Variants in SCARB1 observed in about 807,000 individuals in gnomAD.
The protein encoded by SCARB1 is scavenger receptor class B member 1.
SCARB1 carries 30 observed loss-of-function variants against 57.2 expected under a neutral mutation model. That is an observed-to-expected ratio of 0.52 (90% CI 0.39 to 0.71). The LOEUF is 0.71. Among genes scored for constraint, SCARB1 ranks in the 30% least tolerant of loss-of-function variants. SCARB1 has a pLI of 0.00. For synonymous variants in SCARB1, 249 were observed against 268.3 expected, an observed-to-expected ratio of 0.93 and a Z score of 0.70; for missense variants, 543 against 671.2, an observed-to-expected ratio of 0.81 and a Z score of 2.11.
chr12:124,818,493 G>A (rs773984866), intron 1 of SCARB1, among the ~76,000 whole-genome samples: 31 of 152,118 alleles, frequency 2.0e-4, no homozygotes, highest in Non-Finnish European at 3.7e-4. Flanking sequence ...TTGAGATGGA[G>A]TCTCACTCTG....
chr12:124,803,067 G>A (rs528189666), intron 7 of SCARB1, among the ~76,000 whole-genome samples: 15 of 152,322 alleles, frequency 9.8e-5, no homozygotes, highest in Admixed American at 6.5e-4. Context: ...ACAACGTCAC[G>A]GACGAATTGC....
intron 1 of SCARB1, among the ~76,000 whole-genome samples, chr12:124,830,979 A>ATT (rs34543026): frequency 0.54 from 74,261 of 137,412 alleles, 20,038 homozygotes; most frequent in African/African-American, 0.58. Context: ...TGCCCAGCTG[A>ATT]TTTTTTTTTT....
rs374020615 is a variant in SCARB1 at position 124,795,273 on chromosome 12, G to A, written c.1129-5C>T. 9.9e-6 allele frequency: 16 copies of A among 1,612,956 alleles called. No homozygotes were observed. Among genetic ancestry groups the A allele is most frequent in the East Asian group, 2.2e-5 (1 of 44,866 alleles). On this transcript the variant is annotated splice_region_variant and splice_polypyrimidine_tract_variant and intron_variant, in intron 8 of 12. Transcript: ENST00000261693. ...GTTCATGGGGATTCCCGTGACCTGC[G>A]GCAACAAACACAGTGAGGAGACTGG...
At chr12:124,846,526 G>A (rs1015882335) in intron 1 of SCARB1, among the ~76,000 whole-genome samples, 6 of 152,062 alleles carry the variant, frequency 3.9e-5, no homozygotes, top group African/African-American at 9.6e-5. Flanking sequence ...CGAGGCAGGC[G>A]GATCATGAGG....
rs11057822 is a variant in SCARB1 at position 124,813,217 on chromosome 12, C to T, written c.630+985G>A. Among the ~76,000 whole-genome samples the T allele has an allele frequency of 0.029, 4,466 of 152,270 alleles. 547 individuals carry two copies. In the East Asian group the frequency reaches 0.4, roughly 13 times the overall value. ...GGAAGTGGACATTGGTTTTCTTCCT[C>T]CCTAAGAGGGAGGAAACTGGAACAC... is the stretch of plus-strand genomic sequence containing the variant. On this transcript the variant is annotated intron_variant, in intron 4 of 12. Coordinates refer to ENST00000261693, the MANE Select transcript of SCARB1 (RefSeq NM_005505.5).
At chr12:124,825,792 A>T (rs554837566) in intron 1 of SCARB1, among the ~76,000 whole-genome samples, 1 of 152,346 alleles carries the variant, frequency 6.6e-6, no homozygotes, top group East Asian at 1.9e-4. Flanking sequence ...GAATCTTGAC[A>T]GAAGGACAAA....
chr12:124,858,512 T>C (rs1952731569), intron 1 of SCARB1, among the ~76,000 whole-genome samples: 1 of 151,996 alleles, frequency 6.6e-6, no homozygotes, highest in Non-Finnish European at 1.5e-5. Context: ...GCCTCATCGG[T>C]CTGTGTGGCG....
At position 124,817,306 on chromosome 12, in the gene SCARB1, C is replaced by T. The variant is rs1427429032; in HGVS notation, c.284+244G>A. 1.4e-5 allele frequency among the ~76,000 whole-genome samples: 2 copies of T among 145,466 alleles called. No homozygotes were observed. The highest frequency in any genetic ancestry group is 5.1e-5 in the African/African-American group (2 of 39,164). On this transcript the variant is annotated intron_variant, in intron 2 of 12. Transcript: ENST00000261693. This position sits in a 1 kb window ranked among gnomAD's most constrained non-coding sequence, Gnocchi z 4.8. ...AGGCTGAGGCGGAGGATCGCTTGAG[C>T]CCAGGACTTCAAAACCAGCCTGGGC...
chr12:124,811,782 C>T, intron 5 of SCARB1, 88 bp downstream of exon 5: 2 of 852,016 alleles, frequency 2.3e-6, no homozygotes, highest in Non-Finnish European at 3.9e-6. Context: ...AGAAGGAGCT[C>T]TCTGGTCCCT....
chr12:124,834,914 C>CA lies in SCARB1; in HGVS notation c.127-17208dup, dbSNP rs1273432887. On this transcript the variant is annotated intron_variant, in intron 1 of 12. Transcript: ENST00000261693. ...CAGAGCAAGACCCTGTCCACCCCCC[C>CA]AAAAAAAAGGCGGTCTCCAAACCAG... Among the ~76,000 whole-genome samples, 206 of 151,880 alleles carry CA rather than the reference C, an allele frequency of 1.4e-3. 1 individual carries two copies. Among genetic ancestry groups the CA allele is most frequent in the African/African-American group, 4.7e-3 (193 of 41,430 alleles).
At chr12:124,792,519 C>T (rs1486761143) in intron 9 of SCARB1, among the ~76,000 whole-genome samples, 1 of 151,874 alleles carries the variant, frequency 6.6e-6, no homozygotes, top group African/African-American at 2.4e-5. Context: ...GTCACAAGTT[C>T]GAGAACAGCC....
chr12:124,847,830 A>T (rs1253407535), intron 1 of SCARB1, among the ~76,000 whole-genome samples: 1 of 152,184 alleles, frequency 6.6e-6, no homozygotes, highest in Admixed American at 6.5e-5. Flanking sequence ...CTCATCAGAA[A>T]CACTCTGCTC....
chr12:124,788,449 G>A (rs944640609), intron 9 of SCARB1, among the ~76,000 whole-genome samples: 2 of 152,342 alleles, frequency 1.3e-5, no homozygotes, highest in South Asian at 4.1e-4. Flanking sequence ...CGGGAGGGCT[G>A]CTTAAAAAGA....
At chr12:124,782,123 G>A (rs1949340310) in intron 12 of SCARB1, among the ~76,000 whole-genome samples, 1 of 152,112 alleles carries the variant, frequency 6.6e-6, no homozygotes, top group Non-Finnish European at 1.5e-5. Flanking sequence ...TGGCCAGGCT[G>A]GTCTTGAACT....
intron 5 of SCARB1, among the ~76,000 whole-genome samples, chr12:124,811,200 G>A (rs1950514286): frequency 6.6e-6 from 1 of 152,180 alleles, no homozygotes; most frequent in Admixed American, 6.5e-5. Context: ...GTTTCCTCTG[G>A]GGCAAGGGGT....
At chr12:124,852,386 G>C (rs1184694939) in intron 1 of SCARB1, among the ~76,000 whole-genome samples, 2 of 152,228 alleles carry the variant, frequency 1.3e-5, no homozygotes, top group African/African-American at 4.8e-5. Context: ...GTGTTCCCCA[G>C]GGCGTATGAC....
chr12:124,854,917 A>C (rs1001238475), intron 1 of SCARB1, among the ~76,000 whole-genome samples: 2 of 152,046 alleles, frequency 1.3e-5, no homozygotes, highest in African/African-American at 4.8e-5. Context: ...CAGGGATACC[A>C]ATTTGGGAGT....
intron 6 of SCARB1, among the ~76,000 whole-genome samples, chr12:124,809,156 T>C (rs1283686099): frequency 6.6e-6 from 1 of 151,586 alleles, no homozygotes; most frequent in Non-Finnish European, 1.5e-5. Flanking sequence ...TCCAACCTAC[T>C]CTCCGATGGT....
At chr12:124,790,069 C>T (rs1193176722) in intron 9 of SCARB1, among the ~76,000 whole-genome samples, 2 of 148,406 alleles carry the variant, frequency 1.3e-5, no homozygotes, top group African/African-American at 5.0e-5. Context: ...GACAGTGCTA[C>T]ACTGCTGGCT....
Sources: gnomAD v4.1 joint callset for allele counts (sites outside exome capture counted in the v4.1 genomes callset) on GRCh38, gnomAD v4.1.1 for gene constraint, Gnocchi (gnomAD v3.1) non-coding constraint, MANE v1.5 for transcripts, NCBI Gene and HGNC (gene_info 2026-07-23, HGNC 2026-07-21) for gene names.